Variants in RGSL1 observed in about 807,000 individuals in gnomAD.
RGSL1 encodes the protein regulator of G protein signaling like 1.
RGSL1 carries 97 observed loss-of-function variants against 124.7 expected under a neutral mutation model. The observed-to-expected ratio is 0.78, with a 90% CI of 0.66 to 0.92. The LOEUF is 0.92. Among genes scored for constraint, RGSL1 ranks in the 40% least tolerant of loss-of-function variants. The pLI, the probability that RGSL1 is intolerant of heterozygous loss-of-function variation, is 0.00. For synonymous variants in RGSL1, 424 were observed against 438.1 expected, an observed-to-expected ratio of 0.97 and a Z score of 0.40; for missense variants, 1,233 against 1,288.4, an observed-to-expected ratio of 0.96 and a Z score of 0.66.
intron 3 of RGSL1, among the ~76,000 whole-genome samples, chr1:182,459,079 C>T (rs1380859102): frequency 6.6e-6 from 1 of 152,164 alleles, no homozygotes; most frequent in East Asian, 1.9e-4. Context: ...AATTGACTGG[C>T]AATGTCTGCA....
chr1:182,478,376 T>G (rs1159511688), intron 6 of RGSL1, among the ~76,000 whole-genome samples: 1 of 152,098 alleles, frequency 6.6e-6, no homozygotes, highest in Non-Finnish European at 1.5e-5. Context: ...AAGAGCCAAA[T>G]AGAAATCCTG....
At chr1:182,517,391 C>T (rs1571631307) in intron 9 of RGSL1, among the ~76,000 whole-genome samples, 1 of 151,314 alleles carries the variant, frequency 6.6e-6, no homozygotes, top group Non-Finnish European at 1.5e-5. Flanking sequence ...CTCTGACCTT[C>T]CTGTACCTGG....
intron 9 of RGSL1, among the ~76,000 whole-genome samples, chr1:182,513,897 C>A (rs372746165): frequency 7.2e-6 from 1 of 138,822 alleles, no homozygotes. Context: ...CTCTCCCTAT[C>A]TTTTTTTTTT....
At chr1:182,546,249 TA>T (rs1469134262) in intron 15 of RGSL1, among the ~76,000 whole-genome samples, 1 of 152,224 alleles carries the variant, frequency 6.6e-6, no homozygotes, top group Admixed American at 6.5e-5. Flanking sequence ...TTTTGGAACC[TA>T]AAGTGTCTGT....
chr1:182,522,044 A>G lies in RGSL1; in HGVS notation c.1866A>G (p.Ser622=). Reference sequence around the variant, plus strand: ...TTATCAAGGAAACAAAGACAGTTTCACGCTCAAATAGGAAAATGTCCTTGC... The same window carrying G: ...TTATCAAGGAAACAAAGACAGTTTCGCGCTCAAATAGGAAAATGTCCTTGC... ...MEIIKETKTV[S]RSNRKMSLLK... is the part of the protein sequence containing the mutation. Residue 622 remains serine (S), a synonymous_variant, in exon 10 of 22, where the codon TCA becomes TCG. Transcript: ENST00000294854. The G allele has an allele frequency of 6.5e-7, 1 of 1,548,998 alleles. No individual in the cohort carries two copies. The highest frequency in any genetic ancestry group is 8.7e-7 in the Non-Finnish European group (1 of 1,146,158).
chr1:182,518,573 T>C (rs1313802428), intron 9 of RGSL1, among the ~76,000 whole-genome samples: 1 of 152,170 alleles, frequency 6.6e-6, no homozygotes, highest in Non-Finnish European at 1.5e-5. Context: ...CTTCAGGCAC[T>C]CTGAATTCTT....
chr1:182,543,852 T>C (rs1381703839), intron 15 of RGSL1, among the ~76,000 whole-genome samples: 2 of 152,062 alleles, frequency 1.3e-5, no homozygotes, highest in East Asian at 1.9e-4. Context: ...CTGATGACTA[T>C]GTCTCTTTTT....
intron 9 of RGSL1, among the ~76,000 whole-genome samples, chr1:182,509,864 C>G (rs372155730): frequency 5.5e-5 from 7 of 126,842 alleles, no homozygotes; most frequent in South Asian, 5.4e-4. Context: ...CGGGCGGAGA[C>G]GCTCCTCACT....
intron 2 of RGSL1, among the ~76,000 whole-genome samples, chr1:182,456,499 T>C (rs1196589826): frequency 6.6e-6 from 1 of 152,192 alleles, no homozygotes; most frequent in Non-Finnish European, 1.5e-5. Flanking sequence ...AGTTTCTCCA[T>C]GTTGGTCAGG....
chr1:182,453,435 A>G (rs993513596), intron 1 of RGSL1: 2 of 153,564 alleles, frequency 1.3e-5, no homozygotes, highest in African/African-American at 4.8e-5. Flanking sequence ...CTGCTCTGGG[A>G]AGCATTTGAA....
intron 15 of RGSL1, 87 bp from the exon 16 acceptor site, chr1:182,548,230 G>T: frequency 6.9e-7 from 1 of 1,445,726 alleles, no homozygotes; most frequent in Non-Finnish European, 9.4e-7. Flanking sequence ...GCGTTTTTTG[G>T]GCCAGAAATG....
At chr1:182,476,036 TC>T (rs928760068) in intron 6 of RGSL1, among the ~76,000 whole-genome samples, 13 of 152,136 alleles carry the variant, frequency 8.5e-5, no homozygotes, top group African/African-American at 2.7e-4. Flanking sequence ...TAGTAGATGA[TC>T]CAGGATCAGA....
At chr1:182,456,487 G>A (rs1652335230) in intron 2 of RGSL1, among the ~76,000 whole-genome samples, 1 of 152,196 alleles carries the variant, frequency 6.6e-6, no homozygotes, top group East Asian at 1.9e-4. Context: ...TAGTAGAGAC[G>A]GAGTTTCTCC....
intron 6 of RGSL1, among the ~76,000 whole-genome samples, chr1:182,475,264 T>G (rs1486415216): frequency 4.6e-5 from 7 of 152,226 alleles, no homozygotes. Context: ...TAGGATGAGT[T>G]TATTTTTATC....
chr1:182,532,150 A>G (rs187262189), intron 13 of RGSL1, among the ~76,000 whole-genome samples: 35 of 152,212 alleles, frequency 2.3e-4, no homozygotes, highest in African/African-American at 7.9e-4. Flanking sequence ...GGGTACCTAT[A>G]AAAAACAGAT....
At chr1:182,507,036 C>T (rs555299934) in intron 9 of RGSL1, among the ~76,000 whole-genome samples, 1 of 134,672 alleles carries the variant, frequency 7.4e-6, no homozygotes, top group Non-Finnish European at 1.5e-5. Context: ...ATTGCCCAGG[C>T]TGGAGTGCAA....
chr1:182,558,149 G>A (rs1188117317), intron 21 of RGSL1, among the ~76,000 whole-genome samples: 1 of 152,196 alleles, frequency 6.6e-6, no homozygotes, highest in African/African-American at 2.4e-5. Flanking sequence ...AACTTAGTTA[G>A]GGACAAGACT....
intron 9 of RGSL1, among the ~76,000 whole-genome samples, chr1:182,507,922 C>T (rs533082566): frequency 1.3e-4 from 20 of 151,988 alleles, no homozygotes; most frequent in Middle Eastern, 3.4e-3. Flanking sequence ...AGGCTGATCT[C>T]GAACTCCCGG....
intron 9 of RGSL1, among the ~76,000 whole-genome samples, chr1:182,513,871 A>G (rs964762136): frequency 6.6e-6 from 1 of 150,956 alleles, no homozygotes; most frequent in Non-Finnish European, 1.5e-5. Context: ...CCAAGAAGGC[A>G]ATCAGATTTT....
Sources: gnomAD v4.1 joint callset for allele counts (sites outside exome capture counted in the v4.1 genomes callset) on GRCh38, gnomAD v4.1.1 for gene constraint, MANE v1.5 for transcripts, NCBI Gene and HGNC (gene_info 2026-07-23, HGNC 2026-07-21) for gene names.